Variants in MIB1 observed in about 807,000 individuals in gnomAD.
MIB1 encodes E3 ubiquitin-protein ligase MIB1.
A neutral mutation model predicts 124.5 loss-of-function variants in MIB1; 278 were observed. The observed-to-expected ratio is 2.23, with a 90% CI of 2.02 to 2.47. The LOEUF (loss-of-function observed/expected upper bound fraction) is 2.47, where lower values mean the gene tolerates loss of function less well. MIB1 is among the 30% of genes most tolerant of loss of function. The pLI is 0.00. For missense variants in MIB1, 957 were observed against 1,254.4 expected (o/e 0.76, Z 3.58); for synonymous variants, 446 against 429.4 (o/e 1.04, Z -0.48).
chr18:21,707,655 G>A (rs565174606), intron 1 of MIB1, among the ~76,000 whole-genome samples: 45 of 152,156 alleles, frequency 3.0e-4, no homozygotes, highest in Non-Finnish European at 4.7e-4. Flanking sequence ...AACTCTGGAC[G>A]CCCCTCTTTT....
At chr18:21,768,471 A>G (rs947887940) in intron 2 of MIB1, 152 bp from the exon 3 acceptor site, 2 of 466,766 alleles carry the variant, frequency 4.3e-6, no homozygotes, top group South Asian at 2.4e-5. Context: ...TGGAATATAA[A>G]AGGTATTCCT....
intron 1 of MIB1, among the ~76,000 whole-genome samples, chr18:21,707,006 T>C (rs1011650051): frequency 3.9e-5 from 6 of 152,212 alleles, no homozygotes; most frequent in African/African-American, 1.4e-4. Context: ...GGAGAACCTT[T>C]ATGTCTAGCT....
intron 1 of MIB1, among the ~76,000 whole-genome samples, chr18:21,748,122 G>A (rs1010772446): frequency 6.6e-6 from 1 of 152,192 alleles, no homozygotes. Context: ...GTGAGTGGCA[G>A]ATAGTAGGGA....
chr18:21,808,179 A>G (rs569185251), intron 10 of MIB1, among the ~76,000 whole-genome samples: 2 of 152,338 alleles, frequency 1.3e-5, no homozygotes, highest in South Asian at 2.1e-4. Flanking sequence ...TAGCAGAAGA[A>G]TAAAGGAAAT....
rs549870203 is a variant in MIB1, at chr18:21,868,913, A to T, written c.*4247A>T. ...GGTTAGTAGTATGTGAAACTCTGGT[A>T]TAAAAACGTAAACTAGACAGTAGAG... On this transcript the variant is annotated 3_prime_UTR_variant, in exon 21 of 21. Transcript: ENST00000261537. The T allele has an allele frequency of 2.0e-5, 3 of 152,484 alleles. No individual in the cohort carries two copies. Among genetic ancestry groups the T allele is most frequent in the African/African-American group, 7.2e-5 (3 of 41,464 alleles). The allele number at this position is 152,484 out of a possible 1,614,324, so 9.4% of individuals were successfully genotyped here. A position where few individuals can be genotyped will look rare whatever the true frequency, so the allele number is the denominator to read the frequency against.
At chr18:21,727,521 T>C (rs1054770439) in intron 1 of MIB1, among the ~76,000 whole-genome samples, 10 of 152,194 alleles carry the variant, frequency 6.6e-5, no homozygotes, top group Non-Finnish European at 1.2e-4. Flanking sequence ...GGTGGGAGGA[T>C]TGCTTGAAGC....
intron 1 of MIB1, among the ~76,000 whole-genome samples, chr18:21,760,146 G>GA (rs1225886687): frequency 1.3e-5 from 2 of 151,252 alleles, no homozygotes; most frequent in South Asian, 4.2e-4. Flanking sequence ...CTATAGAAAG[G>GA]AAAAAAAAGA....
intron 10 of MIB1, among the ~76,000 whole-genome samples, chr18:21,813,882 T>G (rs1461157645): frequency 6.6e-6 from 1 of 151,850 alleles, no homozygotes; most frequent in Non-Finnish European, 1.5e-5. Context: ...AGTACCAGGA[T>G]CAGGGACAGA....
At chr18:21,815,041 ATATATATAT>A (rs2041815618) in intron 10 of MIB1, among the ~76,000 whole-genome samples, 1 of 129,960 alleles carries the variant, frequency 7.7e-6, no homozygotes, top group African/African-American at 3.0e-5. Context: ...ATATATATAT[ATATATATAT>A]ATATATAAAA....
At chr18:21,798,664 A>AT (rs910067171) in intron 8 of MIB1, among the ~76,000 whole-genome samples, 2 of 151,912 alleles carry the variant, frequency 1.3e-5, no homozygotes, top group African/African-American at 2.4e-5. Context: ...CATATCAGTT[A>AT]TTTTTTCTCT....
intron 7 of MIB1, chr18:21,794,219 T>C (rs1438308124): frequency 6.6e-6 from 1 of 151,074 alleles, no homozygotes; most frequent in Non-Finnish European, 1.5e-5. Context: ...ATGAAAAAAG[T>C]GTAAGAGAAT....
Position 21,798,135 on chromosome 18 carries a change from A to C in MIB1, c.1144A>C (p.Lys382Gln). Residue 382 changes from lysine (K) to glutamine (Q), a missense_variant, in exon 8 of 21, where the codon AAG becomes CAG. Transcript: ENST00000261537. ...ACAGATTTATTCAGACAGTGATTTA[A>C]AGGTGGAAGTTTGTGGAACATCTTG... ...VQQIYSDSDL[K>Q]VEVCGTSWTY... The C allele has an allele frequency of 6.2e-7, 1 of 1,613,378 alleles. No individual in the cohort carries two copies. Among genetic ancestry groups the C allele is most frequent in the Non-Finnish European group, 8.5e-7 (1 of 1,179,478 alleles).
chr18:21,743,236 C>G (rs1168964568), intron 1 of MIB1, among the ~76,000 whole-genome samples: 1 of 152,204 alleles, frequency 6.6e-6, no homozygotes, highest in African/African-American at 2.4e-5. Flanking sequence ...TGTGACTATA[C>G]TATAAATCTA....
chr18:21,752,863 AAAT>A (rs1254221896), intron 1 of MIB1, among the ~76,000 whole-genome samples: 2 of 152,366 alleles, frequency 1.3e-5, no homozygotes, highest in South Asian at 2.1e-4. Context: ...TGTTTATTAA[AAAT>A]AATAATTGAG....
chr18:21,725,050 G>A (rs2040735118), intron 1 of MIB1, among the ~76,000 whole-genome samples: 2 of 135,548 alleles, frequency 1.5e-5, no homozygotes, highest in Admixed American at 7.7e-5. Context: ...AGCTGAGATT[G>A]TGCCACTGCA....
chr18:21,722,817 C>T (rs1272646459), intron 1 of MIB1, among the ~76,000 whole-genome samples: 1 of 152,102 alleles, frequency 6.6e-6, no homozygotes, highest in Non-Finnish European at 1.5e-5. Flanking sequence ...GGTAAAATGC[C>T]TTTCTTATCA....
Position 21,853,217 on chromosome 18 carries a change from GAGTA to G in MIB1, c.2665+4_2665+7del. 6 of 1,604,314 alleles carry G rather than the reference GAGTA, an allele frequency of 3.7e-6. No homozygotes were observed. Among genetic ancestry groups the G allele is most frequent in the Non-Finnish European group, 5.1e-6 (6 of 1,171,580 alleles). ...CCTGTGGCCACATGTGTGCTTGTGA[GAGTA>G]AGTAGCCTATGCAGAGTTCCTCAAT... On this transcript the variant is annotated splice_donor_variant and splice_donor_region_variant and coding_sequence_variant and intron_variant, in exon 18 of 21. Coordinates refer to ENST00000261537, the MANE Select transcript of MIB1 (RefSeq NM_020774.4). LOFTEE classifies it high-confidence loss of function.
At chr18:21,777,848 G>A (rs557806840) in intron 4 of MIB1, among the ~76,000 whole-genome samples, 5 of 152,306 alleles carry the variant, frequency 3.3e-5, no homozygotes, top group African/African-American at 9.6e-5. Flanking sequence ...GTGAGCCAAC[G>A]TGTACAGCCA....
intron 1 of MIB1, among the ~76,000 whole-genome samples, chr18:21,751,299 G>C (rs2040972389): frequency 6.6e-6 from 1 of 152,012 alleles, no homozygotes; most frequent in Admixed American, 6.6e-5. Context: ...TATTTATTTT[G>C]AGACATAGTC....
Sources: gnomAD v4.1 joint callset for allele counts (sites outside exome capture counted in the v4.1 genomes callset) on GRCh38, gnomAD v4.1.1 for gene constraint, MANE v1.5 for transcripts, NCBI Gene and HGNC (gene_info 2026-07-23, HGNC 2026-07-21) for gene names.